CHRM3: variants seen among roughly 807,000 people sequenced by gnomAD.
CHRM3 encodes the protein cholinergic receptor muscarinic 3, also known as muscarinic acetylcholine receptor M3.
Under a neutral mutation model 41.8 loss-of-function variants are expected in CHRM3, and 11 were observed. The ratio of observed to expected loss-of-function variants is 0.26; its 90% CI spans 0.17 to 0.44. CHRM3 has a LOEUF of 0.44. CHRM3 is among the 20% of genes least tolerant of loss of function. The pLI is 1.00. For synonymous variants in CHRM3, 297 were observed against 301.4 expected, an observed-to-expected ratio of 0.99 and a Z score of 0.15; for missense variants, 571 against 745.4, an observed-to-expected ratio of 0.77 and a Z score of 2.72.
Position 239,909,160 on chromosome 1 carries a change from AG to A in CHRM3, c.1710del (p.Lys570AsnfsTer28). The A allele has an allele frequency of 6.2e-7, 1 of 1,614,130 alleles. No homozygotes were observed. On this transcript the variant is annotated frameshift_variant, in exon 7 of 7. Transcript: ENST00000676153. LOFTEE classifies it high-confidence loss of function. ...LCQCDKKKRR[K>X]QQYQQRQSVI... ...CAGTGTGACAAAAAAAAGAGGCGCA[AG>A]CAGCAGTACCAGCAGAGACAGTCGG...
chr1:239,711,910 G>A (rs1263150750), intron 5 of CHRM3, among the ~76,000 whole-genome samples: 1 of 152,038 alleles, frequency 6.6e-6, no homozygotes, highest in African/African-American at 2.4e-5. Flanking sequence ...TGCCCAAGCT[G>A]TTCTCAAACT....
intron 4 of CHRM3, among the ~76,000 whole-genome samples, chr1:239,655,165 T>C (rs551780007): frequency 6.6e-6 from 1 of 152,316 alleles, no homozygotes. Flanking sequence ...AGTTTGCTAA[T>C]TATAAGTTCT....
chr1:239,745,447 A>C (rs1205920585), intron 5 of CHRM3, among the ~76,000 whole-genome samples: 4 of 152,082 alleles, frequency 2.6e-5, no homozygotes, highest in Non-Finnish European at 4.4e-5. Flanking sequence ...GTCAAAAAAA[A>C]AAAATTTCCA....
At chr1:239,499,893 A>G (rs958543225) in intron 2 of CHRM3, among the ~76,000 whole-genome samples, 1 of 152,134 alleles carries the variant, frequency 6.6e-6, no homozygotes. Context: ...TAATCATCAT[A>G]TAGGAAGGAA....
chr1:239,720,368 C>T (rs953306906), intron 5 of CHRM3, among the ~76,000 whole-genome samples: 1 of 151,804 alleles, frequency 6.6e-6, no homozygotes, highest in Non-Finnish European at 1.5e-5. Flanking sequence ...TGATTTTTGT[C>T]ATTTAGTCAG....
At chr1:239,446,584 A>AT (rs1558230728) in intron 1 of CHRM3, among the ~76,000 whole-genome samples, 1 of 152,154 alleles carries the variant, frequency 6.6e-6, no homozygotes, top group Non-Finnish European at 1.5e-5. Flanking sequence ...AATAAGACAG[A>AT]TTTTTTATAT....
At position 239,553,884 on chromosome 1, in the gene CHRM3, A is replaced by C. The variant is rs561356769; in HGVS notation, c.-313+8135A>C. ...TAGGAAAGGGAGCTACTTTTGAAGTAGTGGTTTCCACATCTGTTTTTTGAA... is the reference window on the plus strand; with the variant it reads ...TAGGAAAGGGAGCTACTTTTGAAGTCGTGGTTTCCACATCTGTTTTTTGAA... On this transcript the variant is annotated intron_variant, in intron 3 of 6. Transcript: ENST00000676153. Among the ~76,000 whole-genome samples, 6 of 152,320 alleles carry C rather than the reference A, an allele frequency of 3.9e-5. No individual in the cohort carries two copies. In the South Asian group the frequency reaches 1.2e-3, roughly 32 times the overall value.
At chr1:239,494,109 G>C (rs2148081719) in intron 2 of CHRM3, among the ~76,000 whole-genome samples, 1 of 152,270 alleles carries the variant, frequency 6.6e-6, no homozygotes, top group African/African-American at 2.4e-5. Flanking sequence ...AATTCAAATT[G>C]AGGGATGCAT....
chr1:239,562,123 G>T (rs911922072), intron 3 of CHRM3, among the ~76,000 whole-genome samples: 12 of 152,268 alleles, frequency 7.9e-5, no homozygotes, highest in Middle Eastern at 3.4e-3. Context: ...AAAACATTTT[G>T]AAATTTAAGA....
intron 6 of CHRM3, among the ~76,000 whole-genome samples, chr1:239,899,062 T>G (rs1446801380): frequency 6.6e-6 from 1 of 152,134 alleles, no homozygotes; most frequent in Admixed American, 6.5e-5. Context: ...TGCAGTGGCT[T>G]TCCAACATTA....
chr1:239,650,575 T>C (rs1672143104), intron 4 of CHRM3, among the ~76,000 whole-genome samples: 1 of 152,166 alleles, frequency 6.6e-6, no homozygotes. Context: ...GGAGACAAAG[T>C]CTTAAACTTA....
intron 1 of CHRM3, among the ~76,000 whole-genome samples, chr1:239,396,209 C>T (rs1406276341): frequency 6.6e-6 from 1 of 152,034 alleles, no homozygotes; most frequent in Admixed American, 6.6e-5. Context: ...TGTGTGTGTG[C>T]CACAAATTGT....
chr1:239,564,008 T>C (rs1661123362), intron 3 of CHRM3, among the ~76,000 whole-genome samples: 1 of 152,182 alleles, frequency 6.6e-6, no homozygotes, highest in Non-Finnish European at 1.5e-5. Flanking sequence ...AAAAATAATT[T>C]TTAGAAGCTC....
intron 1 of CHRM3, among the ~76,000 whole-genome samples, chr1:239,388,189 T>G (rs1184008367): frequency 6.6e-6 from 1 of 151,230 alleles, no homozygotes; most frequent in East Asian, 2.0e-4. Context: ...CTGCAAGTGT[T>G]ACTGGAACCT....
intron 6 of CHRM3, among the ~76,000 whole-genome samples, chr1:239,862,038 G>T (rs12057932): frequency 3.2e-4 from 48 of 152,142 alleles, no homozygotes; most frequent in African/African-American, 1.1e-3. Flanking sequence ...AAAATTAGGG[G>T]AATGTCATGA....
chr1:239,507,224 C>A (rs11811970), intron 2 of CHRM3, among the ~76,000 whole-genome samples: 1 of 152,092 alleles, frequency 6.6e-6, no homozygotes, highest in East Asian at 1.9e-4. Flanking sequence ...TTTGGCTATG[C>A]CCCTACCCAA....
intron 1 of CHRM3, among the ~76,000 whole-genome samples, chr1:239,475,742 C>G (rs572594761): frequency 6.6e-6 from 1 of 152,182 alleles, no homozygotes; most frequent in South Asian, 2.1e-4. Context: ...ATTATCTTCT[C>G]AATTTTTCAG....
intron 1 of CHRM3, among the ~76,000 whole-genome samples, chr1:239,390,879 G>C (rs1322851034): frequency 1.3e-5 from 2 of 152,238 alleles, no homozygotes; most frequent in African/African-American, 2.4e-5. Flanking sequence ...GCTCATGCCA[G>C]TAATGGCAGC....
intron 3 of CHRM3, among the ~76,000 whole-genome samples, chr1:239,565,114 T>C (rs1308483387): frequency 1.3e-5 from 2 of 152,160 alleles, no homozygotes; most frequent in African/African-American, 4.8e-5. Context: ...CTCCCTCTTA[T>C]GAGGATACAC....
Sources: allele counts gnomAD v4.1 joint callset (sites outside exome capture counted in the v4.1 genomes callset), GRCh38; gene constraint gnomAD v4.1.1; transcripts MANE v1.5; gene names NCBI Gene and HGNC (gene_info 2026-07-23, HGNC 2026-07-21).